The following ZBTB20 variants were observed in gnomAD, a reference collection of about 807,000 sequenced individuals.
ZBTB20 encodes zinc finger and BTB domain-containing protein 20.
Under a neutral mutation model 56.9 loss-of-function variants are expected in ZBTB20, and 9 were observed. That is an observed-to-expected ratio of 0.16 (90% CI 0.10 to 0.28). The LOEUF is 0.28. Among genes scored for constraint, ZBTB20 ranks in the 10% least tolerant of loss-of-function variants. The pLI is 1.00. For synonymous variants in ZBTB20, 417 were observed against 420.7 expected (o/e 0.99, Z 0.11); for missense variants, 655 against 1,003.0 (o/e 0.65, Z 4.69).
intron 3 of ZBTB20, among the ~76,000 whole-genome samples, chr3:114,968,248 T>G (rs1177750596): frequency 1.3e-5 from 2 of 152,160 alleles, no homozygotes; most frequent in Non-Finnish European, 2.9e-5. Context: ...AAATAAAATG[T>G]TCTTTAAAAA....
intron 7 of ZBTB20, among the ~76,000 whole-genome samples, chr3:114,460,575 A>G (rs1004896280): frequency 3.3e-5 from 5 of 152,206 alleles, no homozygotes; most frequent in Admixed American, 6.5e-5. Context: ...GAAAAGGCAA[A>G]TAAATGGATC....
rs1298404352 is a variant in ZBTB20, at chr3:114,321,932, C to T, written c.*17073G>A. The T allele has an allele frequency of 1.3e-5, 2 of 152,352 alleles. No homozygotes were observed. The highest frequency in any genetic ancestry group is 2.4e-5 in the African/African-American group (1 of 41,584). The allele number at this position is 152,352 out of a possible 1,614,324, so 9.4% of individuals were successfully genotyped here. On this transcript the variant is annotated 3_prime_UTR_variant, in exon 12 of 12. Transcript: ENST00000675478. ...AACTGAATAAATTATTAATCTAGTA[C>T]TCACTACGACAAGAAAGGCACTATC...
At chr3:114,397,497 G>A (rs1191517523) in intron 7 of ZBTB20, among the ~76,000 whole-genome samples, 1 of 151,138 alleles carries the variant, frequency 6.6e-6, no homozygotes, top group African/African-American at 2.4e-5. Flanking sequence ...ATCTTCCTTT[G>A]GTTTCATCAG....
At chr3:114,410,554 C>A (rs1475165122) in intron 7 of ZBTB20, among the ~76,000 whole-genome samples, 2 of 152,124 alleles carry the variant, frequency 1.3e-5, no homozygotes, top group Admixed American at 6.6e-5. Context: ...GCCAGAGCCC[C>A]CTCTCCCCTT....
intron 1 of ZBTB20, among the ~76,000 whole-genome samples, chr3:115,090,975 G>C (rs750355421): frequency 8.0e-4 from 121 of 151,958 alleles, no homozygotes; most frequent in Middle Eastern, 6.8e-3. Flanking sequence ...AATAGCATGA[G>C]AGTCTCTGAA....
chr3:114,616,916 G>C (rs1229021515), intron 6 of ZBTB20, among the ~76,000 whole-genome samples: 1 of 152,152 alleles, frequency 6.6e-6, no homozygotes, highest in Non-Finnish European at 1.5e-5. Context: ...CCAGCCCAAA[G>C]GTTATTAAAT....
At chr3:114,607,088 A>C (rs936865687) in intron 6 of ZBTB20, among the ~76,000 whole-genome samples, 6 of 150,216 alleles carry the variant, frequency 4.0e-5, no homozygotes, top group African/African-American at 1.5e-4. Context: ...ACACAGTGAG[A>C]CTCAATCTCA....
chr3:115,054,998 A>G (rs956931539), intron 2 of ZBTB20, among the ~76,000 whole-genome samples: 2 of 152,148 alleles, frequency 1.3e-5, no homozygotes, highest in Admixed American at 1.3e-4. Flanking sequence ...CAAAACTTTT[A>G]TAGGAGTCCA....
intron 2 of ZBTB20, among the ~76,000 whole-genome samples, chr3:114,977,759 T>G (rs767944331): frequency 6.6e-6 from 1 of 152,086 alleles, no homozygotes; most frequent in Non-Finnish European, 1.5e-5. Flanking sequence ...TACACAGTGG[T>G]ATATAATATA....
chr3:114,936,164 G>T (rs2076528252), intron 3 of ZBTB20, among the ~76,000 whole-genome samples: 1 of 152,094 alleles, frequency 6.6e-6, no homozygotes, highest in Admixed American at 6.5e-5. Flanking sequence ...AAAAAAACAA[G>T]ATTGTTAAAA....
chr3:115,063,681 ACAAAC>A lies in ZBTB20; in HGVS notation c.-507+7533_-507+7537del, dbSNP rs1560539089. Among the ~76,000 whole-genome samples the A allele has an allele frequency of 8.7e-4, 132 of 151,020 alleles. 1 individual carries two copies. Among genetic ancestry groups the A allele is most frequent in the African/African-American group, 2.9e-3 (121 of 41,164 alleles). ...CACACACACACACACACACACACAC[ACAAAC>A]ACACACACACAGTTTACCAGTTAAA... On this transcript the variant is annotated intron_variant, in intron 2 of 11. Coordinates refer to ENST00000675478, the MANE Select transcript of ZBTB20 (RefSeq NM_001348800.3).
chr3:114,582,095 G>A (rs2054688173), intron 6 of ZBTB20: 1 of 152,048 alleles, frequency 6.6e-6, no homozygotes, highest in South Asian at 2.1e-4. Context: ...AGGTTACAGT[G>A]GTTTTGCTTG....
intron 1 of ZBTB20, among the ~76,000 whole-genome samples, chr3:115,099,101 T>C (rs2083484713): frequency 6.6e-6 from 1 of 152,114 alleles, no homozygotes; most frequent in Non-Finnish European, 1.5e-5. Context: ...AACACTATTC[T>C]GGGAAAACTC....
At chr3:114,402,537 G>A (rs1484394086) in intron 7 of ZBTB20, among the ~76,000 whole-genome samples, 2 of 152,084 alleles carry the variant, frequency 1.3e-5, no homozygotes, top group Non-Finnish European at 2.9e-5. Context: ...CTTCTAAAGG[G>A]GATGAATTCT....
intron 3 of ZBTB20, among the ~76,000 whole-genome samples, chr3:114,916,470 A>G (rs2075750955): frequency 1.3e-5 from 2 of 152,066 alleles, no homozygotes; most frequent in South Asian, 4.1e-4. Flanking sequence ...TAGTAATAAT[A>G]TTTTTACTGT....
In ZBTB20 at chr3:114,395,861, T is replaced by A. The variant is rs117385181; in HGVS notation, c.-254-6756A>T. Among the ~76,000 whole-genome samples, 86 of 152,296 alleles carry A rather than the reference T, an allele frequency of 5.6e-4. 1 individual carries two copies. The East Asian group carries it at 0.016, about 28-fold the overall frequency. ...ATTAAATCTATGTTAATTTTCTCCA[T>A]AGAGACCTCTTGATTCCTCTTTGAC... is the stretch of plus-strand genomic sequence containing the variant. On this transcript the variant is annotated intron_variant, in intron 7 of 11. Transcript: ENST00000675478.
intron 5 of ZBTB20, among the ~76,000 whole-genome samples, chr3:114,767,914 C>T (rs2068897055): frequency 6.6e-6 from 1 of 151,984 alleles, no homozygotes; most frequent in African/African-American, 2.4e-5. Flanking sequence ...ACCTTCTCTC[C>T]AAGGAAGGGG....
At chr3:114,460,981 C>A (rs1195327018) in intron 7 of ZBTB20, among the ~76,000 whole-genome samples, 3 of 152,172 alleles carry the variant, frequency 2.0e-5, no homozygotes, top group Non-Finnish European at 4.4e-5. Context: ...AGCAATCAAT[C>A]TAATGATTAT....
At chr3:114,556,339 G>A (rs1029194874) in intron 6 of ZBTB20, among the ~76,000 whole-genome samples, 1 of 151,964 alleles carries the variant, frequency 6.6e-6, no homozygotes, top group African/African-American at 2.4e-5. Flanking sequence ...TTAGATAATA[G>A]GATCACTTGC....
Sources: gnomAD v4.1 joint callset for allele counts (sites outside exome capture counted in the v4.1 genomes callset) on GRCh38, gnomAD v4.1.1 for gene constraint, MANE v1.5 for transcripts, NCBI Gene and HGNC (gene_info 2026-07-23, HGNC 2026-07-21) for gene names.